Variants in ADGRV1 observed in about 807,000 individuals in gnomAD.
ADGRV1 encodes adhesion G protein-coupled receptor V1, also known as G-protein coupled receptor 98.
ADGRV1 carries 359 observed loss-of-function variants against 596.2 expected under a neutral mutation model. The observed-to-expected ratio is 0.60, with a 90% CI of 0.55 to 0.66. The LOEUF (loss-of-function observed/expected upper bound fraction) is 0.66, where lower values mean the gene tolerates loss of function less well. Ranked by LOEUF, ADGRV1 falls within the 30% of genes least tolerant of loss-of-function variation. The probability of loss-of-function intolerance (pLI) is 0.00; values close to 1 mark genes in which losing one functional copy is unlikely to be tolerated. For synonymous variants in ADGRV1, 2,681 were observed against 2,679.2 expected (o/e 1.00, Z -0.02); for missense variants, 7,274 against 7,575.6 (o/e 0.96, Z 1.48).
Position 90,955,196 on chromosome 5 carries a change from GT to G in ADGRV1, c.17857-10216del, listed in dbSNP as rs1191759152. On this transcript the variant is annotated intron_variant, in intron 83 of 89. Coordinates refer to ENST00000405460, the MANE Select transcript of ADGRV1 (RefSeq NM_032119.4). ...TCCTCTAGAACCATGATAAATAAAC[GT>G]TTGTTGTTTAAGCTACCCAGTCTCT... Among the ~76,000 whole-genome samples the G allele has an allele frequency of 1.3e-3, 205 of 152,178 alleles. 1 individual carries two copies. Among genetic ancestry groups the G allele is most frequent in the Non-Finnish European group, 1.3e-4 (9 of 68,006 alleles).
At chr5:90,662,881 G>A (rs1404487962) in intron 21 of ADGRV1, among the ~76,000 whole-genome samples, 2 of 151,650 alleles carry the variant, frequency 1.3e-5, no homozygotes, top group South Asian at 2.1e-4. Flanking sequence ...TTGTTCTTGC[G>A]ATACTTTACT....
chr5:91,162,892 C>T (rs1274433428), intron 89 of ADGRV1, among the ~76,000 whole-genome samples: 2 of 152,164 alleles, frequency 1.3e-5, no homozygotes, highest in East Asian at 3.9e-4. Context: ...TCACTTTCCT[C>T]CTTGTTTGCA....
chr5:90,883,243 T>TG (rs566860974), intron 83 of ADGRV1, among the ~76,000 whole-genome samples: 200 of 152,266 alleles, frequency 1.3e-3, no homozygotes, highest in Middle Eastern at 3.4e-3. Flanking sequence ...TGTTCATCTG[T>TG]GGGAACCAGA....
intron 86 of ADGRV1, 34 bp from the exon 87 acceptor site, chr5:91,102,185 T>C: frequency 6.3e-7 from 1 of 1,582,082 alleles, no homozygotes; most frequent in Admixed American, 1.8e-5. Context: ...TGCAGTATTC[T>C]GAAGCTCAAA....
At chr5:90,878,900 T>A (rs976144140) in intron 83 of ADGRV1, among the ~76,000 whole-genome samples, 1 of 152,216 alleles carries the variant, frequency 6.6e-6, no homozygotes, top group Non-Finnish European at 1.5e-5. Flanking sequence ...CCATATTTGG[T>A]TGTTAATTCT....
At chr5:90,819,312 CT>C (rs1421549534) in intron 75 of ADGRV1, among the ~76,000 whole-genome samples, 2 of 151,062 alleles carry the variant, frequency 1.3e-5, no homozygotes, top group African/African-American at 4.9e-5. Context: ...CTCTTTTTTT[CT>C]TTATTAGTCT....
intron 74 of ADGRV1, among the ~76,000 whole-genome samples, chr5:90,813,858 T>A (rs193013171): frequency 3.8e-4 from 58 of 152,266 alleles, no homozygotes; most frequent in Admixed American, 2.1e-3. Context: ...TCTGAGTAAG[T>A]CAGGGAAAAA....
chr5:90,709,318 C>T (rs1749027005), intron 39 of ADGRV1, among the ~76,000 whole-genome samples: 1 of 152,136 alleles, frequency 6.6e-6, no homozygotes, highest in Non-Finnish European at 1.5e-5. Context: ...CTGCTTCTTT[C>T]ATGACCTTTT....
At chr5:90,720,435 A>G (rs1198711599) in intron 44 of ADGRV1, among the ~76,000 whole-genome samples, 1 of 152,212 alleles carries the variant, frequency 6.6e-6, no homozygotes, top group African/African-American at 2.4e-5. Flanking sequence ...GAATGGTGTT[A>G]TTAGAATTCT....
At chr5:90,833,362 A>G (rs1764682160) in intron 77 of ADGRV1, among the ~76,000 whole-genome samples, 1 of 152,018 alleles carries the variant, frequency 6.6e-6, no homozygotes, top group Non-Finnish European at 1.5e-5. Context: ...ATGGCTTACT[A>G]CAGCCTTGAC....
At chr5:90,714,882 C>T (rs1053052478) in intron 42 of ADGRV1, among the ~76,000 whole-genome samples, 1 of 151,990 alleles carries the variant, frequency 6.6e-6, no homozygotes, top group African/African-American at 2.4e-5. Context: ...GTTTTTCAGG[C>T]CAAATATTTT....
intron 85 of ADGRV1, among the ~76,000 whole-genome samples, chr5:91,022,951 T>C (rs1783760778): frequency 1.3e-5 from 2 of 152,268 alleles, no homozygotes; most frequent in Middle Eastern, 3.4e-3. Flanking sequence ...TAAATTTAGG[T>C]GTGAAGTCCT....
intron 86 of ADGRV1, among the ~76,000 whole-genome samples, chr5:91,077,627 C>T (rs756260465): frequency 6.6e-6 from 1 of 152,208 alleles, no homozygotes; most frequent in South Asian, 2.1e-4. Context: ...CAGGACAACT[C>T]GGCTTTTTGT....
At chr5:90,972,558 G>C (rs1392881040) in intron 84 of ADGRV1, among the ~76,000 whole-genome samples, 6 of 152,120 alleles carry the variant, frequency 3.9e-5, no homozygotes, top group East Asian at 3.9e-4. Flanking sequence ...TCACTCAAAA[G>C]CGCTCAACTA....
intron 89 of ADGRV1, among the ~76,000 whole-genome samples, chr5:91,158,098 T>C (rs1213652588): frequency 6.6e-6 from 1 of 152,190 alleles, no homozygotes; most frequent in Non-Finnish European, 1.5e-5. Flanking sequence ...TTGCAAAGAT[T>C]TCCTTATTCT....
chr5:90,995,938 G>A (rs1047644792), intron 85 of ADGRV1, among the ~76,000 whole-genome samples: 1 of 152,184 alleles, frequency 6.6e-6, no homozygotes, highest in Non-Finnish European at 1.5e-5. Context: ...AAATTTTTAA[G>A]CAGCAGAATG....
At chr5:91,040,593 A>G (rs1785258278) in intron 85 of ADGRV1, among the ~76,000 whole-genome samples, 1 of 152,348 alleles carries the variant, frequency 6.6e-6, no homozygotes, top group African/African-American at 2.4e-5. Context: ...TGGTATCATC[A>G]TACATACATG....
At chr5:90,759,032 C>T (rs954272805) in intron 57 of ADGRV1, among the ~76,000 whole-genome samples, 1 of 151,896 alleles carries the variant, frequency 6.6e-6, no homozygotes, top group Non-Finnish European at 1.5e-5. Flanking sequence ...GGTGTTAGAA[C>T]CTGCATGACA....
chr5:90,635,414 C>A (rs1580534634), intron 10 of ADGRV1, 124 bp downstream of exon 10: 1 of 776,026 alleles, frequency 1.3e-6, no homozygotes, highest in Non-Finnish European at 2.0e-6. Context: ...TACAAGAAGC[C>A]TTCAGTATGT....
Sources: allele counts gnomAD v4.1 joint callset (sites outside exome capture counted in the v4.1 genomes callset), GRCh38; gene constraint gnomAD v4.1.1; transcripts MANE v1.5; gene names NCBI Gene and HGNC (gene_info 2026-07-23, HGNC 2026-07-21).